The following TAOK3 variants were observed in gnomAD, a reference collection of about 807,000 sequenced individuals.
The protein encoded by TAOK3 is serine/threonine-protein kinase TAO3.
A neutral mutation model predicts 120.4 loss-of-function variants in TAOK3; 40 were observed. That is an observed-to-expected ratio of 0.33 (90% CI 0.26 to 0.43). TAOK3 has a LOEUF of 0.43. Ranked by LOEUF, TAOK3 falls within the 20% of genes least tolerant of loss-of-function variation. The pLI is 1.00. For synonymous variants in TAOK3, 355 were observed against 387.5 expected, an observed-to-expected ratio of 0.92 and a Z score of 0.99; for missense variants, 821 against 1,112.1, an observed-to-expected ratio of 0.74 and a Z score of 3.72.
rs759563909 is a variant in TAOK3 at position 118,238,117 on chromosome 12, G to C, written c.393C>G (p.Ala131=). 1 of 1,611,956 alleles carries C rather than the reference G, an allele frequency of 6.2e-7. No homozygotes were observed. Among genetic ancestry groups the C allele is most frequent in the African/African-American group, 1.3e-5 (1 of 74,804 alleles). ...AATGTAGGTAGGCTAGTCCATGCAA[G>C]GCTCCATGAGTAATGGCAGCGATCT... ...EVEIAAITHG[A]LHGLAYLHSH... The change falls in exon 7 of 21, where the codon GCC becomes GCG. Residue 131 remains alanine (A), a synonymous_variant. Coordinates refer to ENST00000392533, the MANE Select transcript of TAOK3 (RefSeq NM_016281.4).
intron 1 of TAOK3, among the ~76,000 whole-genome samples, chr12:118,351,005 C>T (rs1247423715): frequency 6.6e-6 from 1 of 151,180 alleles, no homozygotes; most frequent in African/African-American, 2.4e-5. Context: ...GTGGTGAAAC[C>T]CCATCTCTAC....
At chr12:118,245,728 A>C (rs708865) in intron 3 of TAOK3, among the ~76,000 whole-genome samples, 110,689 of 152,066 alleles carry the variant, frequency 0.73, 40,388 homozygotes, top group South Asian at 0.76. Flanking sequence ...TGTATAGTTT[A>C]TCTATATTCT....
intron 1 of TAOK3, among the ~76,000 whole-genome samples, chr12:118,286,721 A>T (rs924587217): frequency 7.2e-5 from 11 of 152,242 alleles, no homozygotes; most frequent in Non-Finnish European, 8.8e-5. Context: ...GGTACTGGTT[A>T]TCTACCCAGA....
chr12:118,282,990 C>T (rs2042148605), intron 1 of TAOK3, among the ~76,000 whole-genome samples: 1 of 152,186 alleles, frequency 6.6e-6, no homozygotes, highest in Non-Finnish European at 1.5e-5. Flanking sequence ...TGATCAAGAG[C>T]CACAGCACAG....
chr12:118,347,909 A>G (rs2044942293), intron 1 of TAOK3, among the ~76,000 whole-genome samples: 1 of 152,178 alleles, frequency 6.6e-6, no homozygotes, highest in South Asian at 2.1e-4. Flanking sequence ...CAAACTATTG[A>G]TAGAGTAATC....
intron 16 of TAOK3, among the ~76,000 whole-genome samples, 159 bp downstream of exon 16, chr12:118,177,042 C>A (rs774128295): frequency 5.9e-5 from 9 of 152,194 alleles, no homozygotes; most frequent in African/African-American, 1.9e-4. Context: ...GCTGGGATTA[C>A]AGGTGTGAGT....
At chr12:118,243,106 A>AAT (rs1325676926) in intron 5 of TAOK3, among the ~76,000 whole-genome samples, 91 of 152,232 alleles carry the variant, frequency 6.0e-4, no homozygotes, top group African/African-American at 2.1e-3. Flanking sequence ...AAAGATAAAA[A>AAT]TTCTAGGATG....
chr12:118,225,825 ATC>A (rs1402968959), intron 9 of TAOK3, among the ~76,000 whole-genome samples: 2 of 152,250 alleles, frequency 1.3e-5, no homozygotes, highest in African/African-American at 4.8e-5. Flanking sequence ...ATTAATCACA[ATC>A]TGTCCATCGC....
chr12:118,156,922 T>G (rs2034869621), intron 19 of TAOK3, among the ~76,000 whole-genome samples: 1 of 152,052 alleles, frequency 6.6e-6, no homozygotes, highest in African/African-American at 2.4e-5. Flanking sequence ...GTATTTTTAG[T>G]AGAGACAGGG....
At position 118,372,679 on chromosome 12, in the gene TAOK3, G is replaced by GCGC. The variant is rs960334090; in HGVS notation, c.-228_-226dup. 3.2e-5 allele frequency: 5 copies of GCGC among 158,200 alleles called. No homozygotes were observed. Among genetic ancestry groups the GCGC allele is most frequent in the East Asian group, 1.9e-4 (1 of 5,298 alleles). The allele number at this position is 158,200 out of a possible 1,614,324, so 9.8% of individuals were successfully genotyped here. A position where few individuals can be genotyped will look rare whatever the true frequency, so the allele number is the denominator to read the frequency against. On this transcript the variant is annotated 5_prime_UTR_variant, in exon 1 of 21. Transcript: ENST00000392533. This position sits in a 1 kb window ranked among gnomAD's most constrained non-coding sequence, Gnocchi z 4.6. ...CCTGCTGTCACCACCCCCGGGCCCG[G>GCGC]CGCCGCCGCCGCCGCTTCCTCTCCC...
At chr12:118,316,611 T>C (rs555065925) in intron 1 of TAOK3, among the ~76,000 whole-genome samples, 37 of 152,170 alleles carry the variant, frequency 2.4e-4, no homozygotes, top group African/African-American at 8.4e-4. Flanking sequence ...AGACAAGCTC[T>C]TACAATTTTG....
intron 1 of TAOK3, among the ~76,000 whole-genome samples, chr12:118,308,799 A>G (rs138554748): frequency 0.02 from 3,096 of 151,766 alleles, 106 homozygotes; most frequent in African/African-American, 0.071. Flanking sequence ...GCGTGGTGGC[A>G]CATGCCTGTA....
intron 17 of TAOK3, among the ~76,000 whole-genome samples, chr12:118,164,518 A>G (rs2035453562): frequency 6.6e-6 from 1 of 151,768 alleles, no homozygotes; most frequent in African/African-American, 2.4e-5. Context: ...CCAGGGTTCA[A>G]GCAATTCTCC....
At chr12:118,179,703 G>A (rs2036576835) in intron 15 of TAOK3, among the ~76,000 whole-genome samples, 1 of 142,658 alleles carries the variant, frequency 7.0e-6, no homozygotes, top group Non-Finnish European at 1.5e-5. Flanking sequence ...GGAATGCAAT[G>A]GCGTGACCTC....
intron 17 of TAOK3, among the ~76,000 whole-genome samples, chr12:118,166,847 TACAC>T (rs200569755): frequency 1.5e-3 from 201 of 135,396 alleles, no homozygotes; most frequent in African/African-American, 3.4e-3. Flanking sequence ...CACACACACA[TACAC>T]ACACACACAC....
chr12:118,367,006 C>T (rs551285459), intron 1 of TAOK3, among the ~76,000 whole-genome samples: 8 of 152,222 alleles, frequency 5.3e-5, no homozygotes, highest in South Asian at 2.1e-4. Context: ...TGCAGTAAGC[C>T]GAGATGGCAC....
chr12:118,337,448 T>C (rs1422388514), intron 1 of TAOK3, among the ~76,000 whole-genome samples: 1 of 152,220 alleles, frequency 6.6e-6, no homozygotes, highest in Admixed American at 6.5e-5. Context: ...TATGTTTACA[T>C]AAAAACTTGT....
intron 2 of TAOK3, among the ~76,000 whole-genome samples, chr12:118,261,279 G>A (rs2041217709): frequency 6.6e-6 from 1 of 152,152 alleles, no homozygotes; most frequent in Non-Finnish European, 1.5e-5. Context: ...AGTAATAGTG[G>A]AGAAAATTAT....
At chr12:118,218,575 A>G (rs1443863724) in intron 9 of TAOK3, among the ~76,000 whole-genome samples, 1 of 152,184 alleles carries the variant, frequency 6.6e-6, no homozygotes, top group African/African-American at 2.4e-5. Context: ...TAATGAGAAG[A>G]AAAAAAGTCT....
Sources: allele counts gnomAD v4.1 joint callset (sites outside exome capture counted in the v4.1 genomes callset), GRCh38; gene constraint gnomAD v4.1.1; non-coding constraint Gnocchi (gnomAD v3.1); transcripts MANE v1.5; gene names NCBI Gene and HGNC (gene_info 2026-07-23, HGNC 2026-07-21).